The following DOP1A variants were observed in gnomAD, a reference collection of about 807,000 sequenced individuals.
DOP1A encodes the protein DOP1 leucine zipper like protein A.
In DOP1A, 90 loss-of-function variants were observed where a neutral mutation model predicts 267.6. The ratio of observed to expected loss-of-function variants is 0.34; its 90% confidence interval spans 0.28 to 0.40. The LOEUF (loss-of-function observed/expected upper bound fraction) is 0.40. Ranked by LOEUF, DOP1A falls within the 10% of genes least tolerant of loss-of-function variation. The probability of loss-of-function intolerance (pLI) is 1.00; values close to 1 mark genes in which losing one functional copy is unlikely to be tolerated. For missense variants in DOP1A, 2,437 were observed against 2,900.4 expected (o/e 0.84, Z 3.67); for synonymous variants, 932 against 999.1 (o/e 0.93, Z 1.27).
chr6:83,169,146 T>A (rs994073247), downstream of DOP1A: 9 of 1,558,752 alleles, frequency 5.8e-6, no homozygotes, highest in African/African-American at 2.7e-5. Flanking sequence ...AACATTATGA[T>A]TATAAATCTC....
chr6:83,103,511 G>A (rs1772987196), intron 4 of DOP1A, among the ~76,000 whole-genome samples: 1 of 152,122 alleles, frequency 6.6e-6, no homozygotes, highest in Non-Finnish European at 1.5e-5. Flanking sequence ...ATGAATTGAT[G>A]CCTTTCACCA....
At chr6:83,106,875 A>G (rs978719772) in intron 4 of DOP1A, among the ~76,000 whole-genome samples, 1 of 152,108 alleles carries the variant, frequency 6.6e-6, no homozygotes, top group Admixed American at 6.6e-5. Flanking sequence ...TGAAAGTCAA[A>G]AGGGAAGAGC....
Position 83,075,785 on chromosome 6 carries a change from A to G in DOP1A, c.-147+8006A>G, listed in dbSNP as rs145564456. Among the ~76,000 whole-genome samples the G allele has an allele frequency of 3.8e-3, 582 of 152,308 alleles. 3 individuals are homozygous for G. Among genetic ancestry groups the G allele is most frequent in the African/African-American group, 0.014 (562 of 41,570 alleles). ...CCAGATAGTGTTGGGAAAAACTGAT[A>G]TCCCTATGTGAAAAAATGAAGTTGT... On this transcript the variant is annotated intron_variant, in intron 1 of 38. Transcript: ENST00000349129.
chr6:83,140,868 CCT>C (rs1491376092), intron 23 of DOP1A, among the ~76,000 whole-genome samples: 1 of 151,592 alleles, frequency 6.6e-6, no homozygotes, highest in Non-Finnish European at 1.5e-5. Flanking sequence ...TAACTTTATT[CCT>C]TTTTTTTTTA....
intron 5 of DOP1A, 80 bp from the exon 6 acceptor site, chr6:83,110,045 A>G (rs759512380): frequency 2.1e-4 from 303 of 1,441,912 alleles, no homozygotes; most frequent in Non-Finnish European, 2.6e-4. Flanking sequence ...GTTTGCATAC[A>G]TTTTTGGAAA....
intron 1 of DOP1A, among the ~76,000 whole-genome samples, chr6:83,079,544 T>A (rs1043943778): frequency 1.3e-5 from 2 of 152,210 alleles, no homozygotes; most frequent in African/African-American, 4.8e-5. Context: ...AACCAGTCTT[T>A]ATTTGAAAAT....
chr6:83,142,705 A>G (rs536014549), intron 24 of DOP1A, among the ~76,000 whole-genome samples: 15 of 152,266 alleles, frequency 9.9e-5, no homozygotes, highest in African/African-American at 3.4e-4. Flanking sequence ...ATAGTTTACT[A>G]TGATGTGATA....
At chr6:83,126,980 G>A (rs184674627) in intron 15 of DOP1A, among the ~76,000 whole-genome samples, 1 of 152,210 alleles carries the variant, frequency 6.6e-6, no homozygotes, top group African/African-American at 2.4e-5. Flanking sequence ...GAAATCATAG[G>A]GAGTAGAAGC....
rs1052348028 is a variant in DOP1A, at chr6:83,116,220, A to C, written c.781-2668A>C. ...GATTTTAAAAATTAGTTACAATATT[A>C]AGTCTTAAACCACATCAATGAACTT... On this transcript the variant is annotated intron_variant, in intron 7 of 38. Transcript: ENST00000349129. Among the ~76,000 whole-genome samples the C allele has an allele frequency of 1.6e-4, 25 of 152,322 alleles. No homozygotes were observed. The South Asian group carries it at 5.0e-3, about 30-fold the overall frequency.
chr6:83,165,356 C>A (rs1241619402), intron 38 of DOP1A: 1 of 152,292 alleles, frequency 6.6e-6, no homozygotes, highest in Non-Finnish European at 1.5e-5. Flanking sequence ...TGTTTTTGAC[C>A]AGAGATGATG....
chr6:83,091,374 T>G (rs1016617457), intron 1 of DOP1A, among the ~76,000 whole-genome samples: 13 of 152,126 alleles, frequency 8.5e-5, no homozygotes, highest in African/African-American at 3.1e-4. Context: ...TTTCAGCAAT[T>G]TAAGATTTTG....
At chr6:83,106,536 T>C (rs1773632096) in intron 4 of DOP1A, among the ~76,000 whole-genome samples, 1 of 151,562 alleles carries the variant, frequency 6.6e-6, no homozygotes, top group Admixed American at 6.6e-5. Context: ...GAGGCCGGGC[T>C]CAGTGGCTCA....
chr6:83,166,790 G>A (rs1462116138), intron 38 of DOP1A: 1 of 1,048,326 alleles, frequency 9.5e-7, no homozygotes, highest in African/African-American at 1.7e-5. Flanking sequence ...TAGGAAACTA[G>A]TGATATTAAA....
At chr6:83,117,197 C>G (rs1775596856) in intron 7 of DOP1A, among the ~76,000 whole-genome samples, 1 of 150,150 alleles carries the variant, frequency 6.7e-6, no homozygotes, top group South Asian at 2.1e-4. Context: ...GTCACCTAGG[C>G]TGGAGTGCAG....
At chr6:83,074,130 C>T (rs546277640) in intron 1 of DOP1A, among the ~76,000 whole-genome samples, 2 of 152,190 alleles carry the variant, frequency 1.3e-5, no homozygotes, top group East Asian at 1.9e-4. Context: ...ATACACAGCT[C>T]ATTGTGATTT....
At chr6:83,072,492 G>A (rs1785787288) in intron 1 of DOP1A, among the ~76,000 whole-genome samples, 1 of 152,122 alleles carries the variant, frequency 6.6e-6, no homozygotes. Context: ...AAAATTGGAA[G>A]TAAGTAAAGA....
intron 38 of DOP1A, chr6:83,166,324 T>C (rs1311527123): frequency 2.7e-5 from 18 of 663,820 alleles, no homozygotes; most frequent in Non-Finnish European, 4.1e-5. Flanking sequence ...CAATTTCCGA[T>C]GACTGGCCAC....
At chr6:83,167,275 A>G in intron 38 of DOP1A, 2 of 984,708 alleles carry the variant, frequency 2.0e-6, no homozygotes, top group African/African-American at 1.7e-5. Flanking sequence ...TTTCCTCCCT[A>G]TGTTGTTTAG....
At chr6:83,114,257 T>G (rs1390230449) in intron 7 of DOP1A, among the ~76,000 whole-genome samples, 1 of 152,190 alleles carries the variant, frequency 6.6e-6, no homozygotes, top group East Asian at 1.9e-4. Context: ...CTACTCTTCC[T>G]TGTCTATACT....
Sources: gnomAD v4.1 joint callset for allele counts (sites outside exome capture counted in the v4.1 genomes callset) on GRCh38, gnomAD v4.1.1 for gene constraint, MANE v1.5 for transcripts, NCBI Gene and HGNC (gene_info 2026-07-23, HGNC 2026-07-21) for gene names.